The following NCOA3 variants were observed in gnomAD, a reference collection of about 807,000 sequenced individuals.
The protein encoded by NCOA3 is CBP-interacting protein.
Under a neutral mutation model 158.8 loss-of-function variants are expected in NCOA3, and 51 were observed. The ratio of observed to expected loss-of-function variants is 0.32; its 90% confidence interval spans 0.26 to 0.41. The LOEUF (loss-of-function observed/expected upper bound fraction) is 0.41, where lower values mean the gene tolerates loss of function less well. Ranked by LOEUF, NCOA3 falls within the 10% of genes least tolerant of loss-of-function variation. The pLI, the probability that NCOA3 is intolerant of heterozygous loss-of-function variation, is 1.00. For synonymous variants in NCOA3, 537 were observed against 592.4 expected, an observed-to-expected ratio of 0.91 and a Z score of 1.36; for missense variants, 1,510 against 1,746.6, an observed-to-expected ratio of 0.86 and a Z score of 2.41.
intron 16 of NCOA3, among the ~76,000 whole-genome samples, chr20:47,641,537 C>G: frequency 8.7e-6 from 1 of 115,572 alleles, no homozygotes; most frequent in East Asian, 2.9e-4. Context: ...GTCTTGCTCT[C>G]TCTCCCAGCC....
At chr20:47,652,845 T>C in intron 21 of NCOA3, 86 bp from the exon 22 acceptor site, 1 of 1,449,958 alleles carries the variant, frequency 6.9e-7, no homozygotes, top group African/African-American at 1.4e-5. Context: ...TAGCAATGTT[T>C]GACACAATTG....
At chr20:47,624,710 C>G (rs1444158353) in intron 4 of NCOA3, among the ~76,000 whole-genome samples, 1 of 152,168 alleles carries the variant, frequency 6.6e-6, no homozygotes, top group African/African-American at 2.4e-5. Context: ...GAGACTACAA[C>G]TGATGGAGGC....
intron 2 of NCOA3, among the ~76,000 whole-genome samples, chr20:47,608,954 G>A (rs770882823): frequency 1.8e-4 from 27 of 152,130 alleles, no homozygotes; most frequent in Non-Finnish European, 1.6e-4. Flanking sequence ...AATTTCAGGG[G>A]CATTTAGTTG....
intron 1 of NCOA3, among the ~76,000 whole-genome samples, chr20:47,543,411 G>A (rs938102315): frequency 1.3e-5 from 2 of 152,130 alleles, no homozygotes; most frequent in East Asian, 3.8e-4. Context: ...ACTTCCCAGG[G>A]AGTGTGGTTT....
intron 10 of NCOA3, 36 bp downstream of exon 10, chr20:47,634,231 G>T: frequency 6.4e-7 from 1 of 1,573,536 alleles, no homozygotes; most frequent in Non-Finnish European, 8.7e-7. Flanking sequence ...AATACAAAAT[G>T]CAGCAGTGTT....
At chr20:47,548,172 G>A (rs1264057893) in intron 1 of NCOA3, among the ~76,000 whole-genome samples, 1 of 151,788 alleles carries the variant, frequency 6.6e-6, no homozygotes, top group Non-Finnish European at 1.5e-5. Context: ...GTTACCACCT[G>A]TCATATATAT....
rs1350147342 is a variant in NCOA3 at position 47,636,297 on chromosome 20, G to C, written c.1911G>C (p.Leu637Phe). 6.2e-7 allele frequency: 1 copy of C among 1,613,972 alleles called. No individual in the cohort carries two copies. The highest frequency in any genetic ancestry group is 1.3e-5 in the African/African-American group (1 of 74,880). The stretch of plus-strand genomic sequence containing the variant: ...CTGATGACCGGGGTCATTCCTCCTT[G>C]ACCAACTCCCCCCTAGATTCAAGTT... Reference protein sequence around the residue: ...CSSDDRGHSSLTNSPLDSSCK... With the variant: ...CSSDDRGHSSFTNSPLDSSCK... Residue 637 changes from leucine (L) to phenylalanine (F), a missense_variant, in exon 12 of 23, where the codon TTG (leucine) becomes TTC (phenylalanine). By Grantham distance (22) the Leu-to-Phe change is conservative (BLOSUM62 0). Coordinates refer to ENST00000371998, the MANE Select transcript of NCOA3 (RefSeq NM_181659.3).
At chr20:47,548,666 C>T (rs2055380945) in intron 1 of NCOA3, among the ~76,000 whole-genome samples, 1 of 152,120 alleles carries the variant, frequency 6.6e-6, no homozygotes, top group Admixed American at 6.6e-5. Flanking sequence ...TTGAGAAATG[C>T]TTTTAAAAAA....
In NCOA3 at chr20:47,647,122, C is replaced by T; in HGVS notation, c.3302C>T (p.Ala1101Val). Residue 1101 changes from alanine (A) to valine (V), a missense_variant, in exon 18 of 23, where the codon GCA (alanine) becomes GTA (valine). Physicochemically the swap from Ala to Val is moderately conservative, Grantham distance 64. This residue lies in a region of NCOA3 where 1,017 missense variants were observed against 1,098.3 expected (regional missense o/e 0.93). Transcript: ENST00000371998. Reference sequence around the variant, plus strand: ...GATGCTTTCCAAGGCCAAGAAGCAGCAGTAATGATGGATCAGAAGGCAGGA... The same window carrying T: ...GATGCTTTCCAAGGCCAAGAAGCAGTAGTAATGATGGATCAGAAGGCAGGA... Reference protein sequence around the residue: ...KQDAFQGQEAAVMMDQKAGLY... With the variant: ...KQDAFQGQEAVVMMDQKAGLY... 3 of 1,614,140 alleles carry T rather than the reference C, an allele frequency of 1.9e-6. No individual in the cohort carries two copies. Among genetic ancestry groups the T allele is most frequent in the Non-Finnish European group, 2.5e-6 (3 of 1,180,014 alleles).
chr20:47,532,100 A>AG (rs1168627014), intron 1 of NCOA3, among the ~76,000 whole-genome samples: 2 of 102,490 alleles, frequency 2.0e-5, no homozygotes, highest in African/African-American at 9.3e-5. Context: ...AAAACTTTGT[A>AG]GGGGGGGACT....
Position 47,651,247 on chromosome 20 carries a change from C to T in NCOA3, c.3917C>T (p.Pro1306Leu), listed in dbSNP as rs376614401. Residue 1306 changes from proline (P) to leucine (L), a missense_variant, in exon 20 of 23, where the codon CCG becomes CTG. Pro to Leu is a moderately conservative substitution (Grantham distance 98). Coordinates refer to ENST00000371998, the MANE Select transcript of NCOA3 (RefSeq NM_181659.3). ...LAGPTMPQAP[P>L]QQFPYQPNYG... ...GGACCCACAATGCCACAAGCTCCTC[C>T]GCAACAGTTTCCATATCAACCAAAT... is the stretch of plus-strand genomic sequence containing the variant. 1.3e-5 allele frequency: 21 copies of T among 1,610,286 alleles called. No individual in the cohort carries two copies. The African/African-American group carries it at 1.6e-4, about 12-fold the overall frequency.
At chr20:47,634,407 C>T (rs2086475599) in intron 10 of NCOA3, among the ~76,000 whole-genome samples, 1 of 152,036 alleles carries the variant, frequency 6.6e-6, no homozygotes, top group African/African-American at 2.4e-5. Flanking sequence ...TACAGGAAAG[C>T]TAGGTGATGG....
rs2086840828 is a variant in NCOA3, at chr20:47,654,303, A to G, written c.*886A>G. 1 of 152,652 alleles carries G rather than the reference A, an allele frequency of 6.6e-6. No individual in the cohort carries two copies. The highest frequency in any genetic ancestry group is 6.5e-5 in the Admixed American group (1 of 15,286). 9.5% of individuals were successfully genotyped at this position (152,652 alleles called of 1,614,324 possible). On this transcript the variant is annotated 3_prime_UTR_variant, in exon 23 of 23. Coordinates refer to ENST00000371998, the MANE Select transcript of NCOA3 (RefSeq NM_181659.3). ...TATGGTAGAGCAATAATGCTTTTTA[A>G]AAATAAACTTCTGAAAACCCAAGGC...
intron 1 of NCOA3, among the ~76,000 whole-genome samples, chr20:47,511,532 T>TAG (rs139718280): frequency 3.6e-5 from 1 of 27,912 alleles, no homozygotes; most frequent in Non-Finnish European, 1.1e-4. Flanking sequence ...GAGATATATA[T>TAG]ATATATATAT....
At chr20:47,512,747 A>G (rs1454625956) in intron 1 of NCOA3, among the ~76,000 whole-genome samples, 6 of 152,222 alleles carry the variant, frequency 3.9e-5, no homozygotes, top group Non-Finnish European at 8.8e-5. Flanking sequence ...AAGACTGACC[A>G]TACCGTTTGT....
chr20:47,635,767 T>C (rs1284249509), intron 11 of NCOA3, 54 bp downstream of exon 11: 8 of 1,519,364 alleles, frequency 5.3e-6, no homozygotes, highest in Non-Finnish European at 7.1e-6. Flanking sequence ...AATTATTCTT[T>C]CCATACTACT....
At position 47,651,275 on chromosome 20, in the gene NCOA3, T is replaced by C. The variant is rs61730616; in HGVS notation, c.3945T>C (p.Tyr1315=). ...AACAGTTTCCATATCAACCAAATTA[T>C]GGTAAATCTGACAATGAAAATGTGC... ...PPQQFPYQPN[Y]GMGQQPDPAF... is the part of the protein sequence containing the mutation. The change falls in exon 20 of 23, where the codon TAT becomes TAC. Residue 1315 remains tyrosine (Y), a splice_region_variant and synonymous_variant. Coordinates refer to ENST00000371998, the MANE Select transcript of NCOA3 (RefSeq NM_181659.3). 6.9e-5 allele frequency: 110 copies of C among 1,597,874 alleles called. No homozygotes were observed. In the African/African-American group the frequency reaches 1.4e-3, roughly 20 times the overall value.
chr20:47,535,247 C>T (rs999169467), intron 1 of NCOA3, among the ~76,000 whole-genome samples: 5 of 152,146 alleles, frequency 3.3e-5, no homozygotes, highest in Admixed American at 2.0e-4. Context: ...AGCATGCAGA[C>T]GGACAGGTCG....
intron 1 of NCOA3, among the ~76,000 whole-genome samples, chr20:47,511,861 CAA>C (rs757782977): frequency 6.6e-6 from 1 of 151,994 alleles, no homozygotes; most frequent in African/African-American, 2.4e-5. Flanking sequence ...GAATAATAGA[CAA>C]GAGACTAGGA....
Sources: gnomAD v4.1 joint callset for allele counts (sites outside exome capture counted in the v4.1 genomes callset) on GRCh38, gnomAD v4.1.1 for gene constraint, gnomAD v4.1.1 regional missense constraint, MANE v1.5 for transcripts, NCBI Gene and HGNC (gene_info 2026-07-23, HGNC 2026-07-21) for gene names.